The following PPP4R4 variants were observed in gnomAD, a reference collection of about 807,000 sequenced individuals.
The protein encoded by PPP4R4 is serine/threonine-protein phosphatase 4 regulatory subunit 4.
In PPP4R4, 70 loss-of-function variants were observed where a neutral mutation model predicts 121.8. The observed-to-expected ratio is 0.57, with a 90% CI of 0.47 to 0.70. PPP4R4 has a LOEUF of 0.70. PPP4R4 is among the 30% of genes least tolerant of loss of function. The probability of loss-of-function intolerance (pLI) is 0.00; values close to 1 mark genes in which losing one functional copy is unlikely to be tolerated. For synonymous variants in PPP4R4, 348 were observed against 355.7 expected (o/e 0.98, Z 0.24); for missense variants, 875 against 1,033.6 (o/e 0.85, Z 2.10).
intron 8 of PPP4R4, among the ~76,000 whole-genome samples, chr14:94,239,412 T>C (rs1892514570): frequency 7.2e-6 from 1 of 138,416 alleles, no homozygotes; most frequent in Non-Finnish European, 1.5e-5. Flanking sequence ...AGTGTTCTCA[T>C]TGTTCAATTC....
chr14:94,237,123 G>A (rs1051610469), intron 7 of PPP4R4, among the ~76,000 whole-genome samples: 2 of 152,044 alleles, frequency 1.3e-5, no homozygotes, highest in African/African-American at 4.8e-5. Context: ...ATAGAAATTA[G>A]TTACCATAAT....
At chr14:94,262,070 G>A (rs1241680031) in intron 19 of PPP4R4, among the ~76,000 whole-genome samples, 1 of 151,936 alleles carries the variant, frequency 6.6e-6, no homozygotes, top group Non-Finnish European at 1.5e-5. Context: ...AAACAAGATG[G>A]ATGGTATTCC....
intron 3 of PPP4R4, among the ~76,000 whole-genome samples, chr14:94,230,230 C>G (rs1003388215): frequency 1.3e-5 from 2 of 152,064 alleles, no homozygotes; most frequent in African/African-American, 4.8e-5. Context: ...TGACATTGTT[C>G]TAGGTAGGAT....
intron 16 of PPP4R4, among the ~76,000 whole-genome samples, chr14:94,252,954 T>C (rs1893266003): frequency 6.6e-6 from 1 of 152,256 alleles, no homozygotes; most frequent in Non-Finnish European, 1.5e-5. Context: ...GAGATATATA[T>C]GAAGATGAAT....
intron 16 of PPP4R4, among the ~76,000 whole-genome samples, chr14:94,254,776 A>G (rs1395574959): frequency 6.6e-6 from 1 of 152,252 alleles, no homozygotes; most frequent in East Asian, 1.9e-4. Context: ...GTAGACTTTT[A>G]GCTTAGCAAA....
At chr14:94,219,206 A>C (rs571775365) in intron 3 of PPP4R4, among the ~76,000 whole-genome samples, 1 of 151,460 alleles carries the variant, frequency 6.6e-6, no homozygotes, top group South Asian at 2.1e-4. Flanking sequence ...CAGCTTCCCA[A>C]ATAGTGGGGA....
intron 3 of PPP4R4, among the ~76,000 whole-genome samples, chr14:94,213,807 TACTG>T (rs1364217547): frequency 6.6e-6 from 1 of 152,246 alleles, no homozygotes; most frequent in Admixed American, 6.5e-5. Context: ...GACCAGGTGA[TACTG>T]ACTTTGAAAT....
chr14:94,250,420 C>T (rs998062074), intron 15 of PPP4R4, 143 bp downstream of exon 15: 9 of 595,020 alleles, frequency 1.5e-5, no homozygotes, highest in Non-Finnish European at 2.7e-5. Context: ...TTCTAGAAAT[C>T]CTTATGGCAA....
intron 2 of PPP4R4, among the ~76,000 whole-genome samples, chr14:94,180,206 C>T (rs1023990374): frequency 2.0e-5 from 3 of 152,162 alleles, no homozygotes; most frequent in Non-Finnish European, 4.4e-5. Context: ...ACATTTAAAA[C>T]TTTAAAAGAG....
intron 14 of PPP4R4, among the ~76,000 whole-genome samples, chr14:94,247,559 A>G (rs993676123): frequency 1.3e-5 from 2 of 152,230 alleles, no homozygotes; most frequent in African/African-American, 4.8e-5. Flanking sequence ...TGTTTAACTC[A>G]TTCTACAAAG....
rs34881107 is a variant in PPP4R4, at chr14:94,235,388, CTTTTTT to C, written c.731+743_731+748del. Among the ~76,000 whole-genome samples, 5 of 50,804 alleles carry C rather than the reference CTTTTTT, an allele frequency of 9.8e-5. 1 individual carries two copies. Among genetic ancestry groups the C allele is most frequent in the Admixed American group, 4.9e-4 (2 of 4,058 alleles). 33.3% of individuals were successfully genotyped at this position (50,804 alleles called of 152,430 possible). On this transcript the variant is annotated intron_variant, in intron 7 of 24. Coordinates refer to ENST00000304338, the MANE Select transcript of PPP4R4 (RefSeq NM_058237.2). ...TGTTTGTTTTGTTGCTCTCCTTGTT[CTTTTTT>C]TTTTTTTTTTTTTTTTTTTTTTTGA...
At chr14:94,208,927 A>G (rs1890600887) in intron 3 of PPP4R4, among the ~76,000 whole-genome samples, 1 of 151,940 alleles carries the variant, frequency 6.6e-6, no homozygotes, top group African/African-American at 2.4e-5. Flanking sequence ...TGATAATATA[A>G]TTGAGCTGAT....
At chr14:94,194,927 C>CGT (rs1192689331) in intron 2 of PPP4R4, among the ~76,000 whole-genome samples, 4 of 152,228 alleles carry the variant, frequency 2.6e-5, no homozygotes, top group Non-Finnish European at 5.9e-5. Flanking sequence ...AACCTTTTCA[C>CGT]AAACTCCTTA....
intron 2 of PPP4R4, among the ~76,000 whole-genome samples, chr14:94,197,934 G>T (rs1567109989): frequency 3.9e-5 from 6 of 151,978 alleles, no homozygotes; most frequent in Non-Finnish European, 8.8e-5. Flanking sequence ...ATAATAATTT[G>T]ATTATCCACT....
chr14:94,241,837 A>G lies in PPP4R4; in HGVS notation c.1026A>G (p.Lys342=). 1 of 1,606,170 alleles carries G rather than the reference A, an allele frequency of 6.2e-7. No individual in the cohort carries two copies. Among genetic ancestry groups the G allele is most frequent in the South Asian group, 1.1e-5 (1 of 88,912 alleles). Residue 342 remains lysine (K), a synonymous_variant, in exon 10 of 25, where the codon AAA becomes AAG. Coordinates refer to ENST00000304338, the MANE Select transcript of PPP4R4 (RefSeq NM_058237.2). ...TGAGATTTTTGGAATTTTATAAGAAACTTTGTACATTGGGTTTGCAACAAG... is the reference window on the plus strand; with the variant it reads ...TGAGATTTTTGGAATTTTATAAGAAGCTTTGTACATTGGGTTTGCAACAAG... The part of the protein sequence containing the change: ...QHLRFLEFYK[K]LCTLGLQQEN...
At chr14:94,237,539 A>G (rs761046788) in intron 7 of PPP4R4, 26 bp from the exon 8 acceptor site, 3 of 1,593,824 alleles carry the variant, frequency 1.9e-6, no homozygotes, top group South Asian at 1.1e-5. Context: ...GATTTGATTT[A>G]TTTTCTTCTA....
chr14:94,255,566 A>T (rs541846363), intron 16 of PPP4R4, among the ~76,000 whole-genome samples: 4 of 151,840 alleles, frequency 2.6e-5, no homozygotes, highest in African/African-American at 9.7e-5. Context: ...ACACCACTGC[A>T]TTCCAGCCTG....
At position 94,230,722 on chromosome 14, in the gene PPP4R4, C is replaced by T. The variant is rs1158417973; in HGVS notation, c.430C>T (p.His144Tyr). Residue 144 changes from histidine to tyrosine, a missense_variant, in exon 4 of 25, where the codon CAC becomes TAC. Coordinates refer to ENST00000304338, the MANE Select transcript of PPP4R4 (RefSeq NM_058237.2). ...FLQVILLHLE[H>Y]RDTGVSNAWL... is the part of the protein sequence containing the mutation. The stretch of plus-strand genomic sequence containing the variant: ...CCAAGTCATTCTCCTGCATCTGGAG[C>T]ACAGGGACACAGGTCAGGGGCCTGG... The T allele has an allele frequency of 6.2e-7, 1 of 1,612,772 alleles. No homozygotes were observed. Among genetic ancestry groups the T allele is most frequent in the African/African-American group, 1.3e-5 (1 of 75,000 alleles).
rs1232783050 is a variant in PPP4R4, at chr14:94,231,271, C to T, written c.472C>T (p.Leu158=). ...GVSNAWLETL[L]SVIEVLPKET... is the part of the protein sequence containing the mutation. Reference sequence around the variant, plus strand: ...CAGCAATGCATGGCTGGAAACTCTTCTGTCTGTTATAGAAGTATTGCCAAA... The same window carrying T: ...CAGCAATGCATGGCTGGAAACTCTTTTGTCTGTTATAGAAGTATTGCCAAA... Residue 158 remains leucine (L), a synonymous_variant, in exon 5 of 25, where the codon CTG becomes TTG. Transcript: ENST00000304338. The T allele has an allele frequency of 1.2e-6, 2 of 1,612,488 alleles. No individual in the cohort carries two copies. The highest frequency in any genetic ancestry group is 1.7e-6 in the Non-Finnish European group (2 of 1,178,830).
Sources: gnomAD v4.1 joint callset for allele counts (sites outside exome capture counted in the v4.1 genomes callset) on GRCh38, gnomAD v4.1.1 for gene constraint, MANE v1.5 for transcripts, NCBI Gene and HGNC (gene_info 2026-07-23, HGNC 2026-07-21) for gene names.